The following GPHN variants were observed in gnomAD, a reference collection of about 807,000 sequenced individuals.
GPHN encodes gephyrin.
A neutral mutation model predicts 95.5 loss-of-function variants in GPHN; 17 were observed. The ratio of observed to expected loss-of-function variants is 0.18; its 90% CI spans 0.12 to 0.27. GPHN has a LOEUF of 0.27. GPHN is among the 10% of genes least tolerant of loss of function. The pLI is 1.00. For missense variants in GPHN, 660 were observed against 978.1 expected, an observed-to-expected ratio of 0.67 and a Z score of 4.34; for synonymous variants, 320 against 322.5, an observed-to-expected ratio of 0.99 and a Z score of 0.08.
intron 1 of GPHN, among the ~76,000 whole-genome samples, chr14:66,653,585 C>T (rs1354801987): frequency 2.0e-5 from 3 of 152,142 alleles, no homozygotes; most frequent in African/African-American, 4.8e-5. Context: ...TACCCACTTC[C>T]CTTTCCCCAT....
intron 3 of GPHN, among the ~76,000 whole-genome samples, chr14:66,813,475 G>C (rs2060840958): frequency 6.6e-6 from 1 of 152,180 alleles, no homozygotes. Flanking sequence ...AACCACAACA[G>C]CTCCAGGAGC....
chr14:66,787,897 A>G (rs564023799), intron 3 of GPHN, among the ~76,000 whole-genome samples: 95 of 151,168 alleles, frequency 6.3e-4, no homozygotes, highest in African/African-American at 2.2e-3. Context: ...AGAAAAAAAA[A>G]AGCAAAAGTC....
the GPHN span, among the ~76,000 whole-genome samples, chr14:67,607,078 T>C: frequency 8.5e-5 from 13 of 152,210 alleles, no homozygotes; most frequent in Non-Finnish European, 1.8e-4. Flanking sequence ...ATCTCAGTTT[T>C]AGCAAGATTC....
chr14:67,074,186 C>CT (rs35887611), intron 11 of GPHN, among the ~76,000 whole-genome samples: 37,906 of 144,144 alleles, frequency 0.26, 9,860 homozygotes, highest in African/African-American at 0.65. Context: ...GCAGATATTC[C>CT]TTTTTTTTTT....
chr14:67,290,854 G>A, the GPHN span, among the ~76,000 whole-genome samples: 1 of 152,146 alleles, frequency 6.6e-6, no homozygotes, highest in Non-Finnish European at 1.5e-5. Flanking sequence ...TATTTAATAA[G>A]TGGTACTAGA....
At chr14:66,526,400 C>G (rs1216838164) in intron 1 of GPHN, among the ~76,000 whole-genome samples, 1 of 152,170 alleles carries the variant, frequency 6.6e-6, no homozygotes, top group Non-Finnish European at 1.5e-5. Context: ...ATGGGGTTTT[C>G]TAAATATACA....
chr14:67,356,035 G>A, the GPHN span, among the ~76,000 whole-genome samples: 1 of 151,942 alleles, frequency 6.6e-6, no homozygotes, highest in Non-Finnish European at 1.5e-5. Flanking sequence ...TCAACAATAA[G>A]GTTGTATAAC....
chr14:67,137,763 T>G (rs2080181987), intron 17 of GPHN, among the ~76,000 whole-genome samples: 1 of 151,744 alleles, frequency 6.6e-6, no homozygotes, highest in East Asian at 1.9e-4. Flanking sequence ...AGACCCTGTC[T>G]CAAAAAAAGA....
the GPHN span, among the ~76,000 whole-genome samples, chr14:67,517,519 C>T: frequency 6.6e-6 from 1 of 152,100 alleles, no homozygotes; most frequent in African/African-American, 2.4e-5. Context: ...TATTTTCATC[C>T]TTTAGCAGAG....
chr14:66,675,825 T>C (rs2066554907), intron 1 of GPHN, among the ~76,000 whole-genome samples: 1 of 152,194 alleles, frequency 6.6e-6, no homozygotes, highest in South Asian at 2.1e-4. Flanking sequence ...CATATAAATA[T>C]CCAATTTTCC....
At chr14:66,620,401 C>T (rs2063241413) in intron 1 of GPHN, among the ~76,000 whole-genome samples, 1 of 152,080 alleles carries the variant, frequency 6.6e-6, no homozygotes, top group Non-Finnish European at 1.5e-5. Flanking sequence ...GGAGAGGCCT[C>T]ACAATGATGG....
intron 18 of GPHN, among the ~76,000 whole-genome samples, chr14:67,151,829 A>G (rs1381491374): frequency 6.6e-6 from 1 of 151,978 alleles, no homozygotes; most frequent in Non-Finnish European, 1.5e-5. Flanking sequence ...TTTTTAGTAG[A>G]GATGCTGTTT....
chr14:66,604,456 T>C (rs2062414175), intron 1 of GPHN, among the ~76,000 whole-genome samples: 1 of 152,280 alleles, frequency 6.6e-6, no homozygotes, highest in South Asian at 2.1e-4. Context: ...GAATAGTTGC[T>C]TTGCAGACAC....
intron 2 of GPHN, among the ~76,000 whole-genome samples, chr14:66,700,737 A>G (rs2068479984): frequency 6.6e-6 from 1 of 152,100 alleles, no homozygotes; most frequent in African/African-American, 2.4e-5. Context: ...ATCCTGGCCA[A>G]CATGGTGAAA....
chr14:67,626,167 T>C, the GPHN span, among the ~76,000 whole-genome samples: 2,425 of 151,980 alleles, frequency 0.016, 75 homozygotes, highest in African/African-American at 0.055. Context: ...GGTGGGAGAA[T>C]CACTTGAACC....
chr14:67,392,260 G>A, the GPHN span: 2 of 1,068,362 alleles, frequency 1.9e-6, no homozygotes, highest in South Asian at 2.5e-5. Flanking sequence ...CTTCTTCTGG[G>A]CTCACTGCTC....
intron 6 of GPHN, among the ~76,000 whole-genome samples, chr14:66,919,242 T>TA (rs1449190745): frequency 3.9e-5 from 6 of 152,236 alleles, no homozygotes; most frequent in Non-Finnish European, 7.3e-5. Flanking sequence ...TGCCCTGCTC[T>TA]AACTAAAAAT....
chr14:67,246,529 C>A, the GPHN span, among the ~76,000 whole-genome samples: 1 of 151,908 alleles, frequency 6.6e-6, no homozygotes, highest in Non-Finnish European at 1.5e-5. Flanking sequence ...TTTGTAGAGA[C>A]AAGATCTCCC....
At chr14:67,271,125 C>T in the GPHN span, 1 of 152,202 alleles carries the variant, frequency 6.6e-6, no homozygotes, top group Non-Finnish European at 1.5e-5. Context: ...TGCTCATATA[C>T]TTAATTAAGC....
Sources: allele counts gnomAD v4.1 joint callset (sites outside exome capture counted in the v4.1 genomes callset), GRCh38; gene constraint gnomAD v4.1.1; transcripts MANE v1.5; gene names NCBI Gene and HGNC (gene_info 2026-07-23, HGNC 2026-07-21).